The following GALNT13 variants were observed in gnomAD, a reference collection of about 807,000 sequenced individuals.
GALNT13 encodes UDP-GalNAc:polypeptide N-acetylgalactosaminyltransferase 13.
In GALNT13, 28 loss-of-function variants were observed where a neutral mutation model predicts 64.2. The ratio of observed to expected loss-of-function variants is 0.44; its 90% CI spans 0.32 to 0.60. The LOEUF (loss-of-function observed/expected upper bound fraction) is 0.60, where lower values mean the gene tolerates loss of function less well. Ranked by LOEUF, GALNT13 falls within the 20% of genes least tolerant of loss-of-function variation. GALNT13 has a pLI of 0.05. For synonymous variants in GALNT13, 214 were observed against 224.6 expected (o/e 0.95, Z 0.42); for missense variants, 577 against 669.8 (o/e 0.86, Z 1.53).
the GALNT13 span, among the ~76,000 whole-genome samples, chr2:153,097,206 T>C: frequency 6.6e-6 from 1 of 152,186 alleles, no homozygotes. Context: ...TCTATTTATA[T>C]TTTATTGTAC....
chr2:153,200,564 C>T, the GALNT13 span, among the ~76,000 whole-genome samples: 2 of 152,160 alleles, frequency 1.3e-5, no homozygotes, highest in African/African-American at 2.4e-5. Flanking sequence ...GGCAGGAATT[C>T]GCTTTTATTT....
chr2:153,324,899 G>T, the GALNT13 span, among the ~76,000 whole-genome samples: 1 of 152,036 alleles, frequency 6.6e-6, no homozygotes, highest in African/African-American at 2.4e-5. Flanking sequence ...TTTTATGGAA[G>T]ATTTTTGCAA....
chr2:153,621,051 A>T, the GALNT13 span, among the ~76,000 whole-genome samples: 1 of 152,054 alleles, frequency 6.6e-6, no homozygotes, highest in Non-Finnish European at 1.5e-5. Flanking sequence ...ATCCGAGAGA[A>T]TTCTCTGGAT....
chr2:153,858,440 C>T, the GALNT13 span, among the ~76,000 whole-genome samples: 4 of 152,150 alleles, frequency 2.6e-5, no homozygotes, highest in African/African-American at 9.7e-5. Context: ...GGGAGAGAAA[C>T]AGAAGGTGAT....
chr2:153,723,387 C>T, the GALNT13 span, among the ~76,000 whole-genome samples: 21 of 150,372 alleles, frequency 1.4e-4, no homozygotes, highest in Non-Finnish European at 2.1e-4. Flanking sequence ...CCTTTGAAAA[C>T]GGGCACAAGA....
At chr2:154,299,315 G>T (rs1308000905) in intron 8 of GALNT13, among the ~76,000 whole-genome samples, 7 of 151,746 alleles carry the variant, frequency 4.6e-5, no homozygotes, top group African/African-American at 9.7e-5. Flanking sequence ...GACTGAAAAA[G>T]AATATTGATT....
At chr2:154,238,714 G>A (rs1212750339) in intron 4 of GALNT13, among the ~76,000 whole-genome samples, 1 of 151,892 alleles carries the variant, frequency 6.6e-6, no homozygotes, top group Non-Finnish European at 1.5e-5. Flanking sequence ...CTTTATTGAG[G>A]TATATTTGAC....
Position 153,963,883 on chromosome 2 carries a change from T to C in GALNT13, c.142+19244T>C, listed in dbSNP as rs527508332. Among the ~76,000 whole-genome samples, 255 of 152,184 alleles carry C rather than the reference T, an allele frequency of 1.7e-3. 7 individuals carry two copies. Among genetic ancestry groups the C allele is most frequent in the Admixed American group, 0.015 (229 of 15,278 alleles). ...TTTTTACTTTTCTAAATGAGGTCTA[T>C]GAAAGAGCAGAAATTTTTAACTCTG... On this transcript the variant is annotated intron_variant, in intron 3 of 12. Transcript: ENST00000392825.
the GALNT13 span, among the ~76,000 whole-genome samples, chr2:153,178,382 C>G: frequency 2.0e-5 from 3 of 152,062 alleles, no homozygotes; most frequent in South Asian, 6.2e-4. Context: ...TCTCTTTTGT[C>G]TTTTTGAAAA....
chr2:153,969,160 G>T (rs1693578020), intron 3 of GALNT13, among the ~76,000 whole-genome samples: 1 of 151,978 alleles, frequency 6.6e-6, no homozygotes, highest in Admixed American at 6.5e-5. Context: ...TTCAAAGTCT[G>T]ATCCAGATAT....
At chr2:153,417,617 G>T in the GALNT13 span, among the ~76,000 whole-genome samples, 1 of 152,142 alleles carries the variant, frequency 6.6e-6, no homozygotes, top group Non-Finnish European at 1.5e-5. Context: ...AAAAAGGAGA[G>T]TCTATGGGTG....
At chr2:154,357,502 G>A (rs1269166737) in intron 9 of GALNT13, among the ~76,000 whole-genome samples, 1 of 152,032 alleles carries the variant, frequency 6.6e-6, no homozygotes, top group African/African-American at 2.4e-5. Flanking sequence ...AAAAAGGCAT[G>A]CAAATTATTT....
chr2:153,864,829 C>T, the GALNT13 span, among the ~76,000 whole-genome samples: 23 of 148,076 alleles, frequency 1.6e-4, no homozygotes, highest in African/African-American at 5.8e-4. Context: ...CATATGGAAC[C>T]AAAAAAGAGC....
chr2:154,132,464 A>T (rs140210754), intron 3 of GALNT13, among the ~76,000 whole-genome samples: 4 of 152,068 alleles, frequency 2.6e-5, no homozygotes, highest in African/African-American at 4.8e-5. Flanking sequence ...TAATCACTGC[A>T]TAGTTTTCTT....
the GALNT13 span, among the ~76,000 whole-genome samples, chr2:153,691,627 A>G: frequency 6.6e-6 from 1 of 152,172 alleles, no homozygotes; most frequent in Non-Finnish European, 1.5e-5. Flanking sequence ...ATTAGCCAAA[A>G]GACGAATAAA....
At chr2:153,627,695 G>A in the GALNT13 span, among the ~76,000 whole-genome samples, 1 of 152,108 alleles carries the variant, frequency 6.6e-6, no homozygotes, top group Non-Finnish European at 1.5e-5. Context: ...GTGCAGCCAT[G>A]TTTGAGAAGA....
intron 11 of GALNT13, among the ~76,000 whole-genome samples, chr2:154,429,985 G>A (rs927537920): frequency 3.9e-5 from 6 of 152,038 alleles, no homozygotes; most frequent in African/African-American, 1.4e-4. Context: ...ACCTATTTCT[G>A]AGGAAAAAAA....
rs75937100 is a variant in GALNT13 at position 153,974,669 on chromosome 2, G to T, written c.142+30030G>T. 7.7e-3 allele frequency among the ~76,000 whole-genome samples: 1,178 copies of T among 152,192 alleles called. 15 individuals carry two copies. Among genetic ancestry groups the T allele is most frequent in the African/African-American group, 0.027 (1,115 of 41,568 alleles). ...TGGGGCTATTAGGAATGGAGGAAGA[G>T]TTCTGGAGAAGAGGAAGGATGGAAA... On this transcript the variant is annotated intron_variant, in intron 3 of 12. Coordinates refer to ENST00000392825, the MANE Select transcript of GALNT13 (RefSeq NM_052917.4).
chr2:154,236,940 G>A (rs547690400), intron 4 of GALNT13, among the ~76,000 whole-genome samples: 1 of 151,706 alleles, frequency 6.6e-6, no homozygotes, highest in East Asian at 1.9e-4. Context: ...CAAGATTAAG[G>A]CACATTTTAA....
Sources: allele counts gnomAD v4.1 joint callset (sites outside exome capture counted in the v4.1 genomes callset), GRCh38; gene constraint gnomAD v4.1.1; transcripts MANE v1.5; gene names NCBI Gene and HGNC (gene_info 2026-07-23, HGNC 2026-07-21).